Variants in NRG3 observed in about 807,000 individuals in gnomAD.
The protein encoded by NRG3 is neuregulin 3, also known as pro-neuregulin-3, membrane-bound isoform.
A neutral mutation model predicts 66.9 loss-of-function variants in NRG3; 31 were observed. The observed-to-expected ratio is 0.46, with a 90% CI of 0.35 to 0.63. The LOEUF is 0.63. Ranked by LOEUF, NRG3 falls within the 20% of genes least tolerant of loss-of-function variation. NRG3 has a pLI of 0.00. For missense variants in NRG3, 910 were observed against 878.9 expected (o/e 1.04, Z -0.45); for synonymous variants, 393 against 359.4 (o/e 1.09, Z -1.06).
intron 4 of NRG3, among the ~76,000 whole-genome samples, chr10:82,869,726 G>T (rs1188265201): frequency 6.6e-6 from 1 of 151,776 alleles, no homozygotes; most frequent in Non-Finnish European, 1.5e-5. Flanking sequence ...TCCTGCCTCA[G>T]CCTCCCGAGT....
intron 2 of NRG3, among the ~76,000 whole-genome samples, chr10:82,664,770 C>A (rs2052634294): frequency 6.6e-6 from 1 of 151,864 alleles, no homozygotes; most frequent in Admixed American, 6.6e-5. Flanking sequence ...TCCGTGTTCC[C>A]ACAGCATGCA....
intron 2 of NRG3, among the ~76,000 whole-genome samples, chr10:82,457,897 TAAG>T (rs1344490341): frequency 6.6e-6 from 1 of 152,178 alleles, no homozygotes; most frequent in Non-Finnish European, 1.5e-5. Context: ...AAGAAAATCT[TAAG>T]GAGGGTCTAG....
chr10:82,766,958 G>A lies in NRG3; in HGVS notation c.1027+28308G>A, dbSNP rs537721740. Among the ~76,000 whole-genome samples the A allele has an allele frequency of 2.3e-4, 35 of 149,066 alleles. No individual in the cohort carries two copies. The South Asian group carries it at 3.0e-3, about 13-fold the overall frequency. ...TATATTTTGAAATCTAGTACTCTAC[G>A]AAGACTAATCACCTTAATATGTGGA... is the stretch of plus-strand genomic sequence containing the variant. On this transcript the variant is annotated intron_variant, in intron 3 of 8. Coordinates refer to ENST00000372141, the MANE Select transcript of NRG3 (RefSeq NM_001010848.4).
intron 3 of NRG3, among the ~76,000 whole-genome samples, chr10:82,822,507 T>A (rs763205536): frequency 2.6e-5 from 4 of 151,966 alleles, no homozygotes; most frequent in South Asian, 2.1e-4. Flanking sequence ...ATCTCTGGGG[T>A]CATAACTTGC....
intron 1 of NRG3, among the ~76,000 whole-genome samples, chr10:82,177,555 C>A (rs2073123296): frequency 6.6e-6 from 1 of 152,094 alleles, no homozygotes. Flanking sequence ...TAAAAACTTT[C>A]AAGCCTAGAA....
intron 2 of NRG3, among the ~76,000 whole-genome samples, chr10:82,366,784 AG>A (rs1218488707): frequency 6.6e-6 from 1 of 152,184 alleles, no homozygotes. Context: ...AGAAAAATGA[AG>A]TGATTTACTT....
chr10:82,840,870 T>A (rs1323486259), intron 3 of NRG3, among the ~76,000 whole-genome samples: 1 of 152,100 alleles, frequency 6.6e-6, no homozygotes, highest in African/African-American at 2.4e-5. Flanking sequence ...ATCAGAGTAT[T>A]CTAATTGCTG....
intron 3 of NRG3, among the ~76,000 whole-genome samples, chr10:82,780,484 T>C (rs1287118252): frequency 6.7e-6 from 1 of 149,386 alleles, no homozygotes; most frequent in Non-Finnish European, 1.5e-5. Flanking sequence ...TCTTTTCTTT[T>C]TTTTTTTTTT....
chr10:82,385,121 G>A (rs997245130), intron 2 of NRG3, among the ~76,000 whole-genome samples: 3 of 152,036 alleles, frequency 2.0e-5, no homozygotes, highest in East Asian at 3.9e-4. Flanking sequence ...CTTCTTTTGC[G>A]AAATGTCTGT....
intron 2 of NRG3, among the ~76,000 whole-genome samples, chr10:82,627,095 C>A (rs2049482849): frequency 6.6e-6 from 1 of 151,990 alleles, no homozygotes; most frequent in Non-Finnish European, 1.5e-5. Context: ...ACAGTCCTGA[C>A]CGATTTTGGA....
At chr10:82,474,199 G>T (rs1366367600) in intron 2 of NRG3, among the ~76,000 whole-genome samples, 1 of 151,736 alleles carries the variant, frequency 6.6e-6, no homozygotes, top group African/African-American at 2.4e-5. Context: ...AGAGATCAGA[G>T]ATATACAAAG....
intron 1 of NRG3, among the ~76,000 whole-genome samples, chr10:82,308,174 TTGAC>T (rs2134916901): frequency 1.3e-5 from 2 of 152,308 alleles, no homozygotes; most frequent in South Asian, 4.1e-4. Context: ...TATTGATTGA[TTGAC>T]TGATTGAGAC....
At chr10:82,095,882 C>T (rs2066307377) in intron 1 of NRG3, among the ~76,000 whole-genome samples, 1 of 152,148 alleles carries the variant, frequency 6.6e-6, no homozygotes, top group South Asian at 2.1e-4. Flanking sequence ...AAACTGAGCA[C>T]TTCAACGTGG....
At chr10:82,783,995 G>A (rs2060232378) in intron 3 of NRG3, among the ~76,000 whole-genome samples, 1 of 151,830 alleles carries the variant, frequency 6.6e-6, no homozygotes, top group Admixed American at 6.6e-5. Flanking sequence ...GCATGGTACT[G>A]GTACCAAAAC....
chr10:82,594,551 T>G (rs2047162000), intron 2 of NRG3, among the ~76,000 whole-genome samples: 1 of 152,144 alleles, frequency 6.6e-6, no homozygotes. Context: ...TTAAAAAAAT[T>G]TCTCATCCAC....
At chr10:82,061,841 T>TG (rs1336141583) in intron 1 of NRG3, among the ~76,000 whole-genome samples, 1 of 139,064 alleles carries the variant, frequency 7.2e-6, no homozygotes, top group Non-Finnish European at 1.6e-5. Flanking sequence ...TCAGTGTCCC[T>TG]TTCTCTCTCT....
intron 2 of NRG3, among the ~76,000 whole-genome samples, chr10:82,643,170 C>A (rs958454441): frequency 2.0e-5 from 3 of 152,086 alleles, no homozygotes; most frequent in African/African-American, 4.8e-5. Flanking sequence ...CAAATCTCAT[C>A]TTGTAGCTCC....
intron 2 of NRG3, among the ~76,000 whole-genome samples, chr10:82,380,828 A>T (rs1276460651): frequency 6.6e-6 from 1 of 152,042 alleles, no homozygotes; most frequent in African/African-American, 2.4e-5. Context: ...TAATATTAAC[A>T]CTCCAGAAGA....
At chr10:82,926,170 C>A (rs1224671809) in intron 4 of NRG3, among the ~76,000 whole-genome samples, 1 of 152,074 alleles carries the variant, frequency 6.6e-6, no homozygotes, top group East Asian at 1.9e-4. Flanking sequence ...TTGCCATATG[C>A]CAAATATATC....
Sources: allele counts gnomAD v4.1 joint callset (sites outside exome capture counted in the v4.1 genomes callset), GRCh38; gene constraint gnomAD v4.1.1; transcripts MANE v1.5; gene names NCBI Gene and HGNC (gene_info 2026-07-23, HGNC 2026-07-21).